Variants in KAZN observed in about 807,000 individuals in gnomAD.
The protein encoded by KAZN is kazrin, periplakin interacting protein, also known as kazrin.
In KAZN, 40 loss-of-function variants were observed where a neutral mutation model predicts 87.4. The observed-to-expected ratio is 0.46, with a 90% confidence interval of 0.36 to 0.60. The LOEUF (loss-of-function observed/expected upper bound fraction) is 0.60. Among genes scored for constraint, KAZN ranks in the 20% least tolerant of loss-of-function variants. The pLI, the probability that KAZN is intolerant of heterozygous loss-of-function variation, is 0.00. For synonymous variants in KAZN, 466 were observed against 458.3 expected (o/e 1.02, Z -0.22); for missense variants, 898 against 1,073.9 (o/e 0.84, Z 2.29).
At chr1:14,986,920 T>C (rs557452158) in intron 2 of KAZN, among the ~76,000 whole-genome samples, 32 of 152,178 alleles carry the variant, frequency 2.1e-4, no homozygotes, top group African/African-American at 7.7e-4. Flanking sequence ...AAATTCACGG[T>C]AGCAGGCACT....
chr1:14,182,764 C>A (rs577478331), intron 2 of KAZN, among the ~76,000 whole-genome samples: 1 of 152,276 alleles, frequency 6.6e-6, no homozygotes, highest in South Asian at 2.1e-4. Context: ...TTTAACACTG[C>A]TTCTTCTCTC....
intron 1 of KAZN, among the ~76,000 whole-genome samples, chr1:14,652,872 T>A (rs942102272): frequency 1.4e-5 from 2 of 148,092 alleles, no homozygotes; most frequent in Non-Finnish European, 3.0e-5. Flanking sequence ...TTGGGGACAT[T>A]TTTGGTTGTC....
intron 2 of KAZN, among the ~76,000 whole-genome samples, chr1:14,413,490 T>C (rs945233079): frequency 6.8e-6 from 1 of 146,106 alleles, no homozygotes; most frequent in African/African-American, 2.5e-5. Flanking sequence ...CTCGGGAGGC[T>C]GAGGCAGGAG....
At chr1:14,714,284 C>A (rs1344124344) in intron 1 of KAZN, among the ~76,000 whole-genome samples, 1 of 152,144 alleles carries the variant, frequency 6.6e-6, no homozygotes, top group Non-Finnish European at 1.5e-5. Flanking sequence ...TCTGATGATA[C>A]CCTCTTCGGA....
At chr1:14,587,056 A>G (rs1014619343) in intron 2 of KAZN, among the ~76,000 whole-genome samples, 2 of 152,200 alleles carry the variant, frequency 1.3e-5, no homozygotes, top group Non-Finnish European at 2.9e-5. Flanking sequence ...GAATCCCTGA[A>G]GCAGAAGATT....
At chr1:14,866,835 GAGCA>G (rs886362461) in intron 1 of KAZN, among the ~76,000 whole-genome samples, 4 of 152,186 alleles carry the variant, frequency 2.6e-5, no homozygotes, top group Non-Finnish European at 5.9e-5. Context: ...CTCACTCCAT[GAGCA>G]TCCGGACACC....
chr1:14,283,806 A>T (rs915664137), intron 2 of KAZN, among the ~76,000 whole-genome samples: 8 of 152,324 alleles, frequency 5.3e-5, no homozygotes, highest in African/African-American at 1.9e-4. Flanking sequence ...CTGTATAAAA[A>T]TGTTTATAGC....
chr1:14,222,156 G>A (rs1209921990), intron 2 of KAZN: 1 of 152,102 alleles, frequency 6.6e-6, no homozygotes, highest in Non-Finnish European at 1.5e-5. Context: ...GACAAATTTG[G>A]GTTTTAAAGG....
At chr1:14,417,000 G>GTA (rs1395641634) in intron 2 of KAZN, among the ~76,000 whole-genome samples, 3 of 80,888 alleles carry the variant, frequency 3.7e-5, no homozygotes, top group Non-Finnish European at 5.1e-5. Context: ...ATGTGTGTAT[G>GTA]TATATATATG....
intron 2 of KAZN, among the ~76,000 whole-genome samples, chr1:14,379,399 C>T (rs1263547420): frequency 6.6e-6 from 1 of 152,064 alleles, no homozygotes; most frequent in Non-Finnish European, 1.5e-5. Flanking sequence ...ACCTTAGGTA[C>T]CTGCTCAGCC....
At chr1:14,497,810 C>T (rs1425575510) in intron 2 of KAZN, among the ~76,000 whole-genome samples, 1 of 150,072 alleles carries the variant, frequency 6.7e-6, no homozygotes, top group Non-Finnish European at 1.5e-5. Context: ...GTGGCTGATC[C>T]AATTTGAGAT....
At chr1:14,886,330 G>T (rs2101129240) in intron 1 of KAZN, among the ~76,000 whole-genome samples, 1 of 152,234 alleles carries the variant, frequency 6.6e-6, no homozygotes, top group South Asian at 2.1e-4. Flanking sequence ...GGCTGATGTG[G>T]GAGGATCACT....
chr1:14,727,465 T>C (rs1241645500), intron 1 of KAZN, among the ~76,000 whole-genome samples: 4 of 33,384 alleles, frequency 1.2e-4, no homozygotes, highest in Non-Finnish European at 1.9e-4. Context: ...TTTTTTTTTT[T>C]TTTTTTTTTT....
chr1:14,080,880 C>A (rs1643649906), intron 1 of KAZN, among the ~76,000 whole-genome samples: 1 of 152,198 alleles, frequency 6.6e-6, no homozygotes, highest in Admixed American at 6.5e-5. Context: ...AAGACCTCAG[C>A]ACTAAACAGC....
intron 2 of KAZN, among the ~76,000 whole-genome samples, chr1:14,390,295 G>T (rs1255642738): frequency 6.6e-6 from 1 of 152,124 alleles, no homozygotes; most frequent in Non-Finnish European, 1.5e-5. Flanking sequence ...TACTGGAAAA[G>T]ACAGAAAATA....
At chr1:14,768,786 T>A (rs1261955883) in intron 1 of KAZN, among the ~76,000 whole-genome samples, 2 of 152,194 alleles carry the variant, frequency 1.3e-5, no homozygotes, top group Non-Finnish European at 2.9e-5. Context: ...GGAGAGAACT[T>A]GCCTCATCCA....
chr1:14,598,820 C>A lies in KAZN; in HGVS notation c.-178C>A. On this transcript the variant is annotated 5_prime_UTR_variant, in exon 1 of 15. Coordinates refer to ENST00000376030, the MANE Select transcript of KAZN (RefSeq NM_201628.3). This position sits in a 1 kb window ranked among gnomAD's most constrained non-coding sequence, Gnocchi z 4.2. ...CCACCGCCGCGGCTAGGGCTGGAGG[C>A]GCCGCTGTCATTCCTGTGCCGGAGG... The A allele has an allele frequency of 7.3e-7, 1 of 1,369,932 alleles. No homozygotes were observed. Among genetic ancestry groups the A allele is most frequent in the Non-Finnish European group, 9.4e-7 (1 of 1,066,652 alleles). 84.9% of individuals were successfully genotyped at this position (1,369,932 alleles called of 1,614,324 possible). A position where few individuals can be genotyped will look rare whatever the true frequency, so the allele number is the denominator to read the frequency against.
In KAZN at chr1:15,110,294, T is replaced by C. The variant is rs564565665; in HGVS notation, c.2049-2133T>C. 6.6e-5 allele frequency among the ~76,000 whole-genome samples: 10 copies of C among 152,034 alleles called. No individual in the cohort carries two copies. The East Asian group carries it at 1.9e-3, about 29-fold the overall frequency. On this transcript the variant is annotated intron_variant, in intron 13 of 14. Coordinates refer to ENST00000376030, the MANE Select transcript of KAZN (RefSeq NM_201628.3). The stretch of plus-strand genomic sequence containing the variant: ...ATATGTGTGTATGTTTGTGTGTGTG[T>C]ATATGTATGTGTGTATTTGTGTATT...
At chr1:14,355,463 C>T (rs1409511250) in intron 2 of KAZN, among the ~76,000 whole-genome samples, 3 of 151,492 alleles carry the variant, frequency 2.0e-5, no homozygotes, top group Non-Finnish European at 4.4e-5. Flanking sequence ...TTCTGAGATA[C>T]ATGTGCAGAA....
Sources: gnomAD v4.1 joint callset for allele counts (sites outside exome capture counted in the v4.1 genomes callset) on GRCh38, gnomAD v4.1.1 for gene constraint, Gnocchi (gnomAD v3.1) non-coding constraint, MANE v1.5 for transcripts, NCBI Gene and HGNC (gene_info 2026-07-23, HGNC 2026-07-21) for gene names.